Variants in ROBO1 observed in about 807,000 individuals in gnomAD.
The protein encoded by ROBO1 is roundabout guidance receptor 1.
In ROBO1, 149 loss-of-function variants were observed where a neutral mutation model predicts 195.9. That is an observed-to-expected ratio of 0.76 (90% CI 0.67 to 0.87). The LOEUF (loss-of-function observed/expected upper bound fraction) is 0.87, where lower values mean the gene tolerates loss of function less well. Among genes scored for constraint, ROBO1 ranks in the 40% least tolerant of loss-of-function variants. The pLI, the probability that ROBO1 is intolerant of heterozygous loss-of-function variation, is 0.00. For synonymous variants in ROBO1, 816 were observed against 733.2 expected (o/e 1.11, Z -1.82); for missense variants, 1,933 against 2,068.3 (o/e 0.93, Z 1.27).
chr3:79,388,298 T>G (rs1313725942), intron 2 of ROBO1, among the ~76,000 whole-genome samples: 4 of 152,078 alleles, frequency 2.6e-5, no homozygotes, highest in Admixed American at 2.6e-4. Context: ...AAAATTTGTT[T>G]TTTCATATAA....
At chr3:79,688,924 C>A (rs1339022159) in intron 1 of ROBO1, among the ~76,000 whole-genome samples, 1 of 152,008 alleles carries the variant, frequency 6.6e-6, no homozygotes, top group African/African-American at 2.4e-5. Flanking sequence ...TACAATTTAT[C>A]AACATGTATT....
At chr3:78,737,113 A>G (rs1445213420) in intron 5 of ROBO1, among the ~76,000 whole-genome samples, 1 of 152,158 alleles carries the variant, frequency 6.6e-6, no homozygotes, top group Admixed American at 6.6e-5. Flanking sequence ...ATAGAACTTG[A>G]ATCAGTTTCT....
chr3:79,638,700 A>G (rs916251697), intron 1 of ROBO1, among the ~76,000 whole-genome samples: 5 of 152,190 alleles, frequency 3.3e-5, no homozygotes, highest in African/African-American at 1.2e-4. Flanking sequence ...GAGAAGGAAA[A>G]TCTTTTTCAG....
At chr3:79,014,724 TA>T (rs1283721444) in intron 3 of ROBO1, among the ~76,000 whole-genome samples, 1 of 152,236 alleles carries the variant, frequency 6.6e-6, no homozygotes, top group African/African-American at 2.4e-5. Context: ...AATTGAATGA[TA>T]ACTTTGCTTT....
At chr3:79,726,271 T>C (rs149856315) in intron 1 of ROBO1, among the ~76,000 whole-genome samples, 80 of 152,284 alleles carry the variant, frequency 5.3e-4, no homozygotes, top group Non-Finnish European at 9.7e-4. Context: ...GTTAATCCCC[T>C]GGTTCATCTA....
chr3:78,798,675 G>A (rs543884951), intron 4 of ROBO1, among the ~76,000 whole-genome samples: 1 of 152,116 alleles, frequency 6.6e-6, no homozygotes, highest in African/African-American at 2.4e-5. Flanking sequence ...TATATTTTTA[G>A]ATCTCTGACT....
chr3:79,626,404 T>A (rs1945181655), intron 1 of ROBO1, among the ~76,000 whole-genome samples: 1 of 152,042 alleles, frequency 6.6e-6, no homozygotes, highest in African/African-American at 2.4e-5. Flanking sequence ...GCCATTGCAC[T>A]CCAGCCTAGT....
At chr3:79,346,704 T>G (rs2035133107) in intron 2 of ROBO1, among the ~76,000 whole-genome samples, 2 of 152,010 alleles carry the variant, frequency 1.3e-5, no homozygotes, top group Admixed American at 6.5e-5. Context: ...TTTCCTAAAT[T>G]AAAAAGAAGA....
intron 3 of ROBO1, among the ~76,000 whole-genome samples, chr3:79,017,283 T>G (rs1429107420): frequency 6.6e-6 from 1 of 151,974 alleles, no homozygotes; most frequent in Non-Finnish European, 1.5e-5. Flanking sequence ...TTAACTGTCT[T>G]AAGTAAAATC....
chr3:79,425,869 T>C (rs73848878), intron 2 of ROBO1, among the ~76,000 whole-genome samples: 2,114 of 152,316 alleles, frequency 0.014, 39 homozygotes, highest in African/African-American at 0.047. Context: ...ACGCTCTCAC[T>C]TGTTATTGGT....
intron 4 of ROBO1, among the ~76,000 whole-genome samples, chr3:78,785,745 T>C (rs1006882771): frequency 2.0e-5 from 3 of 152,230 alleles, no homozygotes; most frequent in Non-Finnish European, 2.9e-5. Flanking sequence ...GTTTTCATTG[T>C]AGTAGAGTAA....
intron 8 of ROBO1, chr3:78,693,285 G>A (rs2081215963): frequency 4.5e-6 from 7 of 1,546,146 alleles, no homozygotes; most frequent in Admixed American, 4.0e-5. Context: ...ATGGAAAGGG[G>A]AAGAGAAGTT....
chr3:79,710,890 T>C (rs1439487598), intron 1 of ROBO1, among the ~76,000 whole-genome samples: 1 of 152,136 alleles, frequency 6.6e-6, no homozygotes, highest in Non-Finnish European at 1.5e-5. Context: ...TGAATTTTGC[T>C]CTTCTGGTAC....
chr3:78,933,860 C>T (rs1449066976), intron 4 of ROBO1, among the ~76,000 whole-genome samples: 1 of 151,846 alleles, frequency 6.6e-6, no homozygotes, highest in Non-Finnish European at 1.5e-5. Flanking sequence ...TCCTGCATCA[C>T]CAATGAGGAT....
chr3:79,561,100 G>GA (rs57868531), intron 2 of ROBO1, among the ~76,000 whole-genome samples: 1 of 151,580 alleles, frequency 6.6e-6, no homozygotes, highest in African/African-American at 2.4e-5. Flanking sequence ...GTCACCACCA[G>GA]AAAAAAAATA....
intron 1 of ROBO1, among the ~76,000 whole-genome samples, chr3:79,683,764 G>T (rs76623516): frequency 0.15 from 22,700 of 151,932 alleles, 2,182 homozygotes; most frequent in Middle Eastern, 0.21. Context: ...CCATGTTGCA[G>T]CATATATCAG....
chr3:78,846,502 G>A (rs75331869), intron 4 of ROBO1, among the ~76,000 whole-genome samples: 4 of 151,880 alleles, frequency 2.6e-5, no homozygotes, highest in Admixed American at 2.0e-4. Flanking sequence ...TATTTTTCAC[G>A]ATGGCATCTT....
chr3:79,762,039 G>A lies in ROBO1; in HGVS notation c.-51+5713C>T, dbSNP rs2107524945. On this transcript the variant is annotated intron_variant, in intron 1 of 30. Transcript: ENST00000464233. ...ATTTGGTTCAATGGACAAAGTTTGA[G>A]ACATACTGCTTCACAGAATTTAGAG... 2.0e-5 allele frequency among the ~76,000 whole-genome samples: 3 copies of A among 152,254 alleles called. No individual in the cohort carries two copies. The South Asian group carries it at 6.2e-4, about 32-fold the overall frequency.
intron 2 of ROBO1, among the ~76,000 whole-genome samples, chr3:79,300,999 G>C (rs1310224545): frequency 6.6e-6 from 1 of 152,114 alleles, no homozygotes; most frequent in Non-Finnish European, 1.5e-5. Flanking sequence ...AGATGTGGGT[G>C]GGGCCAGATA....
Sources: gnomAD v4.1 joint callset for allele counts (sites outside exome capture counted in the v4.1 genomes callset) on GRCh38, gnomAD v4.1.1 for gene constraint, MANE v1.5 for transcripts, NCBI Gene and HGNC (gene_info 2026-07-23, HGNC 2026-07-21) for gene names.